Variants in ANK2 observed in about 807,000 individuals in gnomAD.
ANK2 encodes the protein ankyrin 2.
ANK2 carries 83 observed loss-of-function variants against 360.5 expected under a neutral mutation model. That is an observed-to-expected ratio of 0.23 (90% CI 0.19 to 0.28). The LOEUF (loss-of-function observed/expected upper bound fraction) is 0.28, where lower values mean the gene tolerates loss of function less well. Ranked by LOEUF, ANK2 falls within the 10% of genes least tolerant of loss-of-function variation. The pLI is 1.00. For synonymous variants in ANK2, 1,740 were observed against 1,759.5 expected (o/e 0.99, Z 0.28); for missense variants, 4,201 against 4,795.7 (o/e 0.88, Z 3.66).
chr4:113,151,243 T>C, intron 1 of ANK2: 1 of 788,568 alleles, frequency 1.3e-6, no homozygotes, highest in Non-Finnish European at 1.8e-6. Flanking sequence ...ACACATTACT[T>C]GTTGTCGTAG....
At chr4:113,283,830 A>G (rs2063349165) in intron 18 of ANK2, among the ~76,000 whole-genome samples, 1 of 152,220 alleles carries the variant, frequency 6.6e-6, no homozygotes, top group Admixed American at 6.5e-5. Flanking sequence ...CCATAAATAT[A>G]CAAATACTCT....
At chr4:112,968,846 T>C (rs1322402772) in intron 2 of ANK2, among the ~76,000 whole-genome samples, 3 of 152,208 alleles carry the variant, frequency 2.0e-5, no homozygotes, top group African/African-American at 7.2e-5. Context: ...CTTATACTGA[T>C]TTTATTGATT....
At chr4:113,186,440 G>A (rs764108894) in intron 2 of ANK2, among the ~76,000 whole-genome samples, 9 of 152,094 alleles carry the variant, frequency 5.9e-5, no homozygotes, top group Non-Finnish European at 1.2e-4. Context: ...ACACGAAGAT[G>A]AAGAAAAACC....
intron 40 of ANK2, among the ~76,000 whole-genome samples, chr4:113,363,886 G>A (rs374670520): frequency 1.3e-5 from 2 of 152,268 alleles, no homozygotes; most frequent in East Asian, 1.9e-4. Flanking sequence ...GAGCTGCTGG[G>A]TTAAGTTCCA....
At position 112,959,002 on chromosome 4, in the gene ANK2, C is replaced by T. The variant is rs894236132; in HGVS notation, c.21+54488C>T. Among the ~76,000 whole-genome samples the T allele has an allele frequency of 3.0e-4, 45 of 152,056 alleles. 1 individual carries two copies. Among genetic ancestry groups the T allele is most frequent in the Non-Finnish European group, 1.5e-5 (1 of 68,000 alleles). On this transcript the variant is annotated intron_variant, in intron 2 of 30. Transcript: ENST00000503271. ...TAGCTGGGATTACAGGTGCCCGCCA[C>T]CACGCCCGGCTGATTTTTTGTATTT...
intron 35 of ANK2, among the ~76,000 whole-genome samples, chr4:113,347,306 A>G (rs1182570256): frequency 6.6e-6 from 1 of 152,210 alleles, no homozygotes; most frequent in Non-Finnish European, 1.5e-5. Context: ...AAATATAGAA[A>G]TGGGTATATC....
intron 2 of ANK2, among the ~76,000 whole-genome samples, chr4:112,958,253 T>C (rs1047673540): frequency 3.3e-5 from 5 of 150,662 alleles, no homozygotes; most frequent in African/African-American, 1.2e-4. Flanking sequence ...GGCTGGGAGG[T>C]GGAGGTTGTA....
At chr4:112,965,661 G>A (rs1420203253) in intron 2 of ANK2, among the ~76,000 whole-genome samples, 1 of 152,084 alleles carries the variant, frequency 6.6e-6, no homozygotes, top group Non-Finnish European at 1.5e-5. Context: ...TGAGAGATAG[G>A]GATCAAGTTT....
intron 1 of ANK2, among the ~76,000 whole-genome samples, chr4:112,835,961 G>A (rs562885062): frequency 6.6e-6 from 1 of 152,178 alleles, no homozygotes; most frequent in East Asian, 1.9e-4. Context: ...GACCTTAGGT[G>A]CCCTGAGGTT....
At chr4:112,844,353 G>C (rs2062821497) in intron 1 of ANK2, among the ~76,000 whole-genome samples, 1 of 152,078 alleles carries the variant, frequency 6.6e-6, no homozygotes, top group Non-Finnish European at 1.5e-5. Flanking sequence ...TTATGACAAC[G>C]ATTATATTTT....
chr4:113,199,760 A>G (rs1351603885), intron 4 of ANK2, among the ~76,000 whole-genome samples: 1 of 152,138 alleles, frequency 6.6e-6, no homozygotes, highest in Non-Finnish European at 1.5e-5. Context: ...ATATATCTTT[A>G]TAATAAAATT....
intron 5 of ANK2, among the ~76,000 whole-genome samples, chr4:113,234,647 T>C (rs2099356936): frequency 6.6e-6 from 1 of 152,198 alleles, no homozygotes; most frequent in African/African-American, 2.4e-5. Context: ...TGTGTCAATA[T>C]GCCTAAAGAA....
At chr4:112,737,016 C>T in the ANK2 span, among the ~76,000 whole-genome samples, 2 of 152,154 alleles carry the variant, frequency 1.3e-5, no homozygotes, top group East Asian at 1.9e-4. Context: ...GTTTTTAAGA[C>T]CTTGGGCTCT....
chr4:113,287,791 C>A, intron 19 of ANK2, 88 bp downstream of exon 19: 2 of 1,053,674 alleles, frequency 1.9e-6, no homozygotes, highest in Non-Finnish European at 1.5e-6. Flanking sequence ...TGTCCAGGGT[C>A]TTCCCTCCTC....
intron 34 of ANK2, among the ~76,000 whole-genome samples, chr4:113,344,800 A>G (rs542879528): frequency 1.5e-4 from 23 of 152,350 alleles, no homozygotes; most frequent in African/African-American, 5.5e-4. Context: ...TGAGGTACCT[A>G]GGGTAGTCAA....
chr4:113,333,287 G>GGTGTGT, intron 29 of ANK2, 79 bp downstream of exon 29: 3 of 1,489,138 alleles, frequency 2.0e-6, no homozygotes, highest in Admixed American at 3.4e-5. Flanking sequence ...ATGACCTAGG[G>GGTGTGT]GTGTGTGTAT....
chr4:113,293,216 G>A (rs2068794544), intron 21 of ANK2: 2 of 671,240 alleles, frequency 3.0e-6, no homozygotes, highest in Non-Finnish European at 2.7e-6. Flanking sequence ...ATTAAAAAGA[G>A]CAAGCAGATG....
At chr4:112,905,353 A>G (rs1488260194) in intron 2 of ANK2, among the ~76,000 whole-genome samples, 1 of 152,224 alleles carries the variant, frequency 6.6e-6, no homozygotes, top group East Asian at 1.9e-4. Context: ...ATCCAAGAAC[A>G]GAAGATATGC....
chr4:113,111,175 G>C (rs538401502), intron 1 of ANK2, among the ~76,000 whole-genome samples: 4 of 152,226 alleles, frequency 2.6e-5, no homozygotes, highest in South Asian at 4.1e-4. Flanking sequence ...ATTAAAAATA[G>C]TTCTGTCCCA....
Sources: allele counts gnomAD v4.1 joint callset (sites outside exome capture counted in the v4.1 genomes callset), GRCh38; gene constraint gnomAD v4.1.1; transcripts MANE v1.5; gene names NCBI Gene and HGNC (gene_info 2026-07-23, HGNC 2026-07-21).